Variants in MASP1 observed in about 807,000 individuals in gnomAD.
MASP1 encodes mannan-binding lectin serine protease 1.
In MASP1, 59 loss-of-function variants were observed where a neutral mutation model predicts 77.1. That is an observed-to-expected ratio of 0.77 (90% CI 0.62 to 0.95). The LOEUF (loss-of-function observed/expected upper bound fraction) is 0.95, where lower values mean the gene tolerates loss of function less well. Among genes scored for constraint, MASP1 ranks in the 40% least tolerant of loss-of-function variants. The pLI, the probability that MASP1 is intolerant of heterozygous loss-of-function variation, is 0.00. For missense variants in MASP1, 885 were observed against 912.9 expected (o/e 0.97, Z 0.39); for synonymous variants, 362 against 354.5 (o/e 1.02, Z -0.24).
chr3:187,259,815 C>T (rs980699275), intron 4 of MASP1, among the ~76,000 whole-genome samples: 4 of 152,166 alleles, frequency 2.6e-5, no homozygotes, highest in African/African-American at 9.7e-5. Context: ...TGTGCTCCCC[C>T]AGTGATCCCT....
chr3:187,286,726 T>C (rs1450617455), intron 1 of MASP1, among the ~76,000 whole-genome samples: 1 of 152,204 alleles, frequency 6.6e-6, no homozygotes, highest in Admixed American at 6.5e-5. Flanking sequence ...CGAGGCAGAA[T>C]GACTAAGGCT....
chr3:187,231,459 G>A (rs1338544342), downstream of MASP1, among the ~76,000 whole-genome samples: 2 of 152,284 alleles, frequency 1.3e-5, no homozygotes, highest in African/African-American at 2.4e-5. Context: ...CTTTGGAGCC[G>A]GATTCAGAAG....
intron 11 of MASP1, among the ~76,000 whole-genome samples, chr3:187,228,285 C>CA (rs57929155): frequency 0.22 from 22,752 of 101,500 alleles, 2,063 homozygotes; most frequent in Non-Finnish European, 0.27. Context: ...GACTCCGTCT[C>CA]AAAAAAAAAA....
At chr3:187,277,232 A>G (rs73886141) in intron 2 of MASP1, among the ~76,000 whole-genome samples, 6,144 of 152,192 alleles carry the variant, frequency 0.04, 408 homozygotes, top group African/African-American at 0.14. Flanking sequence ...TTCCACTGCC[A>G]GGAGACATGT....
downstream of MASP1, chr3:187,229,907 A>G (rs1437861974): frequency 6.2e-7 from 1 of 1,613,344 alleles, no homozygotes; most frequent in Admixed American, 1.7e-5. Context: ...ACTGCATCCA[A>G]GGGAGGGAGG....
chr3:187,261,383 C>T (rs1021419216), intron 3 of MASP1, among the ~76,000 whole-genome samples: 3 of 152,152 alleles, frequency 2.0e-5, no homozygotes, highest in African/African-American at 7.2e-5. Context: ...TTCTTTCTGC[C>T]CCTAATGTGG....
chr3:187,221,206 C>T (rs922823132), intron 14 of MASP1: 96 of 1,081,870 alleles, frequency 8.9e-5, no homozygotes, highest in East Asian at 2.8e-4. Context: ...CCCCTGAAGA[C>T]GGCTCCTCTC....
At chr3:187,231,186 T>C (rs142110815), downstream of MASP1, among the ~76,000 whole-genome samples, 1 of 152,380 alleles carries the variant, frequency 6.6e-6, no homozygotes, top group African/African-American at 2.4e-5. Flanking sequence ...ATAAACTTTA[T>C]TGTCTTCAGA....
downstream of MASP1, chr3:187,229,977 C>A (rs765098103): frequency 6.5e-7 from 1 of 1,544,286 alleles, no homozygotes. Context: ...CAGCTCCTCA[C>A]CCTGTTAGGA....
intron 9 of MASP1, chr3:187,241,780 A>C (rs566912949): frequency 2.1e-6 from 1 of 480,108 alleles, no homozygotes; most frequent in African/African-American, 2.0e-5. Flanking sequence ...GGGACCAATT[A>C]ACCTCCAAAT....
downstream of MASP1, among the ~76,000 whole-genome samples, chr3:187,231,548 T>C (rs966156114): frequency 6.6e-6 from 1 of 152,236 alleles, no homozygotes; most frequent in African/African-American, 2.4e-5. Context: ...TAGATGGAAA[T>C]AAAATGTCTC....
At chr3:187,229,886 G>A (rs1712664736), downstream of MASP1, 2 of 1,614,016 alleles carry the variant, frequency 1.2e-6, no homozygotes, top group Non-Finnish European at 1.7e-6. Flanking sequence ...GAGAACTTGG[G>A]GAGCCCACAC....
intron 2 of MASP1, among the ~76,000 whole-genome samples, chr3:187,265,485 C>T (rs561194732): frequency 4.6e-5 from 7 of 152,142 alleles, no homozygotes; most frequent in Admixed American, 1.3e-4. Context: ...AGGAAGCATG[C>T]CCCAGCTGAG....
At chr3:187,226,081 CAA>C in intron 12 of MASP1, 1 of 382,420 alleles carries the variant, frequency 2.6e-6, no homozygotes, top group Non-Finnish European at 5.0e-6. Context: ...ATTTTATAAA[CAA>C]GAGGGGAAAT....
chr3:187,234,990 C>T lies in MASP1; in HGVS notation c.*694G>A, dbSNP rs1049926665. On this transcript the variant is annotated 3_prime_UTR_variant, in exon 11 of 11. Transcript: ENST00000296280. ...TGGTGGGCCTCCCACGGCTATTCTG[C>T]TCCCAGCAGTCAGCACAAACCTTCC... 3.1e-6 allele frequency: 4 copies of T among 1,287,240 alleles called. No individual in the cohort carries two copies. The highest frequency in any genetic ancestry group is 4.0e-6 in the Non-Finnish European group (4 of 988,694). 79.7% of individuals were successfully genotyped at this position (1,287,240 alleles called of 1,614,324 possible).
At position 187,241,531 on chromosome 3, in the gene MASP1, C is replaced by A; in HGVS notation, c.1253G>T (p.Gly418Val). 6.2e-7 allele frequency: 1 copy of A among 1,613,658 alleles called. No individual in the cohort carries two copies. The highest frequency in any genetic ancestry group is 1.1e-5 in the South Asian group (1 of 91,064). Reference protein sequence around the residue: ...NTGIYTCSAQGVWMNKVLGRS... With the variant: ...NTGIYTCSAQVVWMNKVLGRS... ...CCCCAATACTTTATTCATCCAGACT[C>A]CTTGGGCAGAACAGGTATATATACC... is the stretch of plus-strand genomic sequence containing the variant. The change falls in exon 10 of 11, where the codon GGA (glycine) becomes GTA (valine). Residue 418 changes from glycine (G) to valine (V), a missense_variant. Transcript: ENST00000296280.
rs2108525471 is a variant in MASP1, at chr3:187,243,515, C to A, written c.1197G>T (p.Glu399Asp). 2 of 1,614,066 alleles carry A rather than the reference C, an allele frequency of 1.2e-6. No individual in the cohort carries two copies. The highest frequency in any genetic ancestry group is 4.5e-5 in the East Asian group (2 of 44,878). ...YKSEIKYSCQ[E>D]PYYKMLNNNT... The stretch of plus-strand genomic sequence containing the variant: ...TATTGTTGAGCATCTTGTAATAGGG[C>A]TCCTGACAGGAGTATTTGATCTCAG... The change falls in exon 9 of 11, where the codon GAG (glutamate) becomes GAT (aspartate). Residue 399 changes from glutamate (E) to aspartate (D), a missense_variant. By Grantham distance (45) the Glu-to-Asp change is conservative. Transcript: ENST00000296280.
chr3:187,267,488 T>C (rs1716137418), intron 2 of MASP1, among the ~76,000 whole-genome samples: 2 of 152,232 alleles, frequency 1.3e-5, no homozygotes, highest in Non-Finnish European at 2.9e-5. Flanking sequence ...TTTGTGCAAG[T>C]TTGAAAGGCA....
chr3:187,226,401 A>G (rs1213177154), intron 12 of MASP1: 3 of 1,598,640 alleles, frequency 1.9e-6, no homozygotes, highest in Non-Finnish European at 2.6e-6. Context: ...CCCCTCACTC[A>G]CTCACCCAGG....
Sources: gnomAD v4.1 joint callset for allele counts (sites outside exome capture counted in the v4.1 genomes callset) on GRCh38, gnomAD v4.1.1 for gene constraint, MANE v1.5 for transcripts, NCBI Gene and HGNC (gene_info 2026-07-23, HGNC 2026-07-21) for gene names.